SNF8: variants seen among roughly 807,000 people sequenced by gnomAD.
The protein encoded by SNF8 is vacuolar-sorting protein SNF8.
A neutral mutation model predicts 36.8 loss-of-function variants in SNF8; 19 were observed. That is an observed-to-expected ratio of 0.52 (90% CI 0.36 to 0.76). SNF8 has a LOEUF of 0.76. Among genes scored for constraint, SNF8 ranks in the 30% least tolerant of loss-of-function variants. The pLI is 0.00. For synonymous variants in SNF8, 127 were observed against 127.4 expected (o/e 1.00, Z 0.02); for missense variants, 268 against 322.9 (o/e 0.83, Z 1.30).
chr17:48,937,237 A>T, intron 3 of SNF8, 113 bp from the exon 4 acceptor site: 1 of 839,984 alleles, frequency 1.2e-6, no homozygotes, highest in East Asian at 2.5e-5. Context: ...CATGGCATGA[A>T]GTTCTTCTGC....
chr17:48,938,508 A>T (rs1358421931), intron 3 of SNF8, among the ~76,000 whole-genome samples: 3 of 151,554 alleles, frequency 2.0e-5, no homozygotes, highest in Admixed American at 2.0e-4. Flanking sequence ...AAAAAAAAAA[A>T]AAAAAGAAAA....
In SNF8 at chr17:48,940,972, C is replaced by A. The variant is rs2041014221; in HGVS notation, c.196G>T (p.Val66Leu). The A allele has an allele frequency of 6.2e-7, 1 of 1,613,106 alleles. No homozygotes were observed. ...GTTGCACACATGTCCTGGAACTGCA[C>A]ACGGAACTCAGGATTCTTCCGGATC... Reference protein sequence around the residue: ...QEIRKNPEFRVQFQDMCATIG... With the variant: ...QEIRKNPEFRLQFQDMCATIG... Residue 66 changes from valine (V) to leucine (L), a missense_variant, in exon 3 of 8, where the codon GTG becomes TTG. Physicochemically the swap from Val to Leu is conservative, Grantham distance 32. Transcript: ENST00000502492.
rs140370352 is a variant in SNF8 at position 48,942,242 on chromosome 17, C to T, written c.106-1180G>A. On this transcript the variant is annotated intron_variant, in intron 2 of 7. Coordinates refer to ENST00000502492, the MANE Select transcript of SNF8 (RefSeq NM_007241.4). ...CCCAATATTTATTTCTCATATAAAACTGTTAGAAACCTCCACATTCTTAGG... is the reference window on the plus strand; with the variant it reads ...CCCAATATTTATTTCTCATATAAAATTGTTAGAAACCTCCACATTCTTAGG... Among the ~76,000 whole-genome samples, 425 of 151,478 alleles carry T rather than the reference C, an allele frequency of 2.8e-3. 7 individuals are homozygous for T. The highest frequency in any genetic ancestry group is 1.0e-3 in the Non-Finnish European group (69 of 67,950).
intron 3 of SNF8, among the ~76,000 whole-genome samples, chr17:48,938,263 G>A (rs1359072081): frequency 6.6e-6 from 1 of 152,118 alleles, no homozygotes; most frequent in African/African-American, 2.4e-5. Flanking sequence ...TTGGGAGGCA[G>A]AGGCAGGCGG....
Position 48,944,808 on chromosome 17 carries a change from C to G in SNF8, c.-74G>C. ...CACGTCCCGGACTCCGCCGCCGGCTCCCCAAGGCGGAAGCCCGAGCCGCGC... is the reference window on the plus strand; with the variant it reads ...CACGTCCCGGACTCCGCCGCCGGCTGCCCAAGGCGGAAGCCCGAGCCGCGC... On this transcript the variant is annotated 5_prime_UTR_variant, in exon 1 of 8. Transcript: ENST00000502492. The G allele has an allele frequency of 6.9e-7, 1 of 1,454,572 alleles. No homozygotes were observed. The highest frequency in any genetic ancestry group is 1.4e-5 in the South Asian group (1 of 70,568). The allele number at this position is 1,454,572 out of a possible 1,614,324, so 90.1% of individuals were successfully genotyped here.
intron 6 of SNF8, 147 bp downstream of exon 6, chr17:48,933,058 G>T: frequency 1.3e-6 from 1 of 766,100 alleles, no homozygotes; most frequent in Non-Finnish European, 2.0e-6. Flanking sequence ...ATAAATGTCT[G>T]CTGAACAAGC....
intron 7 of SNF8, 140 bp downstream of exon 7, chr17:48,931,503 G>T: frequency 1.5e-6 from 1 of 689,284 alleles, no homozygotes. Context: ...GAGAAGTGCT[G>T]GGCTTCCTTC....
At position 48,936,235 on chromosome 17, in the gene SNF8, TATC is replaced by T; in HGVS notation, c.354_356del (p.Ile119del). On this transcript the variant is annotated inframe_deletion, in exon 5 of 8. Transcript: ENST00000502492. The stretch of plus-strand genomic sequence containing the variant: ...CCTGTTGATGTAGTTCCTCCAAAGT[TATC>T]AGACCTGTTTGGAGACAGGGAACAG... The T allele has an allele frequency of 6.2e-7, 1 of 1,613,546 alleles. No individual in the cohort carries two copies. The highest frequency in any genetic ancestry group is 8.5e-7 in the Non-Finnish European group (1 of 1,179,516).
At position 48,943,912 on chromosome 17, in the gene SNF8, C is replaced by G. The variant is rs781489534; in HGVS notation, c.105+13G>C. On this transcript the variant is annotated intron_variant, in intron 2 of 7. Coordinates refer to ENST00000502492, the MANE Select transcript of SNF8 (RefSeq NM_007241.4). ...GGTCTCCCTCCCTGCCTGGGGCCCC[C>G]CAACCGACTTACCTGGGCTAGCTGG... 6.2e-7 allele frequency: 1 copy of G among 1,613,870 alleles called. No individual in the cohort carries two copies. The highest frequency in any genetic ancestry group is 8.5e-7 in the Non-Finnish European group (1 of 1,179,802).
At chr17:48,941,997 TCAATCAAC>T (rs2041034943) in intron 2 of SNF8, among the ~76,000 whole-genome samples, 2 of 151,890 alleles carry the variant, frequency 1.3e-5, no homozygotes, top group South Asian at 4.2e-4. Flanking sequence ...GGCCAATCAA[TCAATCAAC>T]CAATATAAAT....
rs183453019 is a variant in SNF8 at position 48,934,473 on chromosome 17, A to C, written c.423-1127T>G. On this transcript the variant is annotated intron_variant, in intron 5 of 7. Transcript: ENST00000502492. ...CAAGAACTAGCAGGGCGCCAGTGGC[A>C]GGTACCTGTAATCCCAGCTACTCAG... The C allele has an allele frequency of 3.0e-3, 655 of 219,420 alleles. 5 individuals carry two copies. Among genetic ancestry groups the C allele is most frequent in the Non-Finnish European group, 3.2e-3 (342 of 105,996 alleles). The allele number at this position is 219,420 out of a possible 1,614,324, so 13.6% of individuals were successfully genotyped here. A position where few individuals can be genotyped will look rare whatever the true frequency, so the allele number is the denominator to read the frequency against.
chr17:48,938,537 A>G (rs1264752337), intron 3 of SNF8, among the ~76,000 whole-genome samples: 1 of 149,626 alleles, frequency 6.7e-6, no homozygotes, highest in Non-Finnish European at 1.5e-5. Flanking sequence ...TAGGTTATAG[A>G]GCAGTAGTAA....
chr17:48,934,088 A>G (rs2040899506), intron 5 of SNF8, among the ~76,000 whole-genome samples: 1 of 152,244 alleles, frequency 6.6e-6, no homozygotes, highest in South Asian at 2.1e-4. Context: ...AAGAAAACCT[A>G]CAAAACAGTG....
intron 3 of SNF8, among the ~76,000 whole-genome samples, chr17:48,939,595 G>T (rs542433015): frequency 6.6e-6 from 1 of 151,016 alleles, no homozygotes; most frequent in South Asian, 2.1e-4. Flanking sequence ...GAGTAGCTGG[G>T]ATTACAGGCA....
chr17:48,939,446 A>C (rs918224314), intron 3 of SNF8, among the ~76,000 whole-genome samples: 1 of 148,274 alleles, frequency 6.7e-6, no homozygotes, highest in Non-Finnish European at 1.5e-5. Flanking sequence ...AAAAATAATA[A>C]ATTAGTAATT....
At position 48,944,785 on chromosome 17, in the gene SNF8, C is replaced by A. The variant is rs761044031; in HGVS notation, c.-51G>T. On this transcript the variant is annotated 5_prime_UTR_variant, in exon 1 of 8. Coordinates refer to ENST00000502492, the MANE Select transcript of SNF8 (RefSeq NM_007241.4). ...CGGCTGCCGGGACCCCGGGTCTCCA[C>A]GTCCCGGACTCCGCCGCCGGCTCCC... The A allele has an allele frequency of 1.9e-6, 3 of 1,541,244 alleles. No individual in the cohort carries two copies. The highest frequency in any genetic ancestry group is 1.2e-5 in the South Asian group (1 of 83,750).
chr17:48,944,229 G>A (rs1476249593), intron 1 of SNF8: 5 of 462,378 alleles, frequency 1.1e-5, no homozygotes, highest in Non-Finnish European at 1.6e-5. Flanking sequence ...GTGAACCCTG[G>A]AGGTGGAGGT....
At chr17:48,932,017 C>T (rs1319828608) in intron 6 of SNF8, 7 of 196,568 alleles carry the variant, frequency 3.6e-5, no homozygotes, top group East Asian at 1.3e-4. Context: ...GTCAGGAGTT[C>T]GAGACCAGCC....
At chr17:48,937,419 A>G (rs1172326735) in intron 3 of SNF8, 5 of 453,802 alleles carry the variant, frequency 1.1e-5, no homozygotes, top group South Asian at 7.1e-5. Flanking sequence ...CTCGAGACCA[A>G]GAGTTCAAGA....
Sources: allele counts gnomAD v4.1 joint callset (sites outside exome capture counted in the v4.1 genomes callset), GRCh38; gene constraint gnomAD v4.1.1; transcripts MANE v1.5; gene names NCBI Gene and HGNC (gene_info 2026-07-23, HGNC 2026-07-21).